The following MAF variants were observed in gnomAD, a reference collection of about 807,000 sequenced individuals.
MAF encodes MAF bZIP transcription factor, also known as transcription factor Maf.
In MAF, 10 loss-of-function variants were observed where a neutral mutation model predicts 22.0. The ratio of observed to expected loss-of-function variants is 0.45; its 90% CI spans 0.28 to 0.77. The LOEUF (loss-of-function observed/expected upper bound fraction) is 0.77. Ranked by LOEUF, MAF falls within the 30% of genes least tolerant of loss-of-function variation. MAF has a pLI of 0.12. For missense variants in MAF, 544 were observed against 548.4 expected, an observed-to-expected ratio of 0.99 and a Z score of 0.08; for synonymous variants, 337 against 255.8, an observed-to-expected ratio of 1.32 and a Z score of -3.03.
At chr16:79,546,557 G>A in the MAF span, among the ~76,000 whole-genome samples, 1 of 152,058 alleles carries the variant, frequency 6.6e-6, no homozygotes, top group Non-Finnish European at 1.5e-5. Flanking sequence ...ATTATTATGG[G>A]GTTAAGAAAA....
At chr16:79,341,486 G>A in the MAF span, among the ~76,000 whole-genome samples, 1 of 152,168 alleles carries the variant, frequency 6.6e-6, no homozygotes, top group South Asian at 2.1e-4. Context: ...CACCTCTTTG[G>A]TAGATTGATT....
chr16:79,274,800 A>G, the MAF span, among the ~76,000 whole-genome samples: 3 of 152,252 alleles, frequency 2.0e-5, no homozygotes, highest in East Asian at 1.9e-4. Context: ...TCATCATTCT[A>G]TGGTGAGGGG....
chr16:79,555,819 C>T, the MAF span, among the ~76,000 whole-genome samples: 1 of 152,168 alleles, frequency 6.6e-6, no homozygotes, highest in African/African-American at 2.4e-5. Flanking sequence ...GTATTTCTAC[C>T]AAACAGATAA....
the MAF span, among the ~76,000 whole-genome samples, chr16:79,296,017 C>T: frequency 8.4e-3 from 1,283 of 152,304 alleles, 21 homozygotes; most frequent in African/African-American, 0.029. Flanking sequence ...GTGGGGCTGT[C>T]CCCCTCTGGC....
chr16:79,472,696 G>T, the MAF span, among the ~76,000 whole-genome samples: 1 of 152,048 alleles, frequency 6.6e-6, no homozygotes, highest in Middle Eastern at 3.4e-3. Context: ...ATTAGAGTAG[G>T]GCGATGGTTG....
the MAF span, among the ~76,000 whole-genome samples, chr16:79,484,514 A>T: frequency 6.6e-6 from 1 of 152,164 alleles, no homozygotes; most frequent in Non-Finnish European, 1.5e-5. Context: ...TTCACTTTTC[A>T]TAGTCTTTGG....
the MAF span, among the ~76,000 whole-genome samples, chr16:79,468,276 C>T: frequency 1.3e-5 from 2 of 152,204 alleles, no homozygotes; most frequent in African/African-American, 2.4e-5. Context: ...CAAGAAGTGC[C>T]TTCCCCTGTG....
At chr16:79,229,853 C>G in the MAF span, among the ~76,000 whole-genome samples, 1 of 152,154 alleles carries the variant, frequency 6.6e-6, no homozygotes, top group East Asian at 1.9e-4. Flanking sequence ...GTAGAATGAC[C>G]TGATTTCTGC....
chr16:79,365,484 G>C, the MAF span, among the ~76,000 whole-genome samples: 11 of 152,184 alleles, frequency 7.2e-5, no homozygotes, highest in East Asian at 5.8e-4. Flanking sequence ...ACTGTTAAAG[G>C]AGTGACTGAT....
At chr16:79,334,610 T>G in the MAF span, among the ~76,000 whole-genome samples, 1 of 152,082 alleles carries the variant, frequency 6.6e-6, no homozygotes, top group Admixed American at 6.5e-5. Context: ...AAAAAATTCT[T>G]AGGACTTTCA....
the MAF span, among the ~76,000 whole-genome samples, chr16:79,284,568 T>G: frequency 6.6e-6 from 1 of 152,222 alleles, no homozygotes. Flanking sequence ...AATGCTTTTC[T>G]CACATTTTGA....
chr16:79,592,678 A>G (rs1597839424), downstream of MAF, among the ~76,000 whole-genome samples: 1 of 152,332 alleles, frequency 6.6e-6, no homozygotes, highest in Non-Finnish European at 1.5e-5. Flanking sequence ...TTTCCTCAGA[A>G]CAACAAGGAA....
chr16:79,516,755 G>A, the MAF span, among the ~76,000 whole-genome samples: 3 of 152,148 alleles, frequency 2.0e-5, no homozygotes, highest in African/African-American at 7.2e-5. Flanking sequence ...ACTATCTGGT[G>A]TTTCCCAGAC....
chr16:79,530,371 C>T, the MAF span, among the ~76,000 whole-genome samples: 1 of 152,202 alleles, frequency 6.6e-6, no homozygotes, highest in South Asian at 2.1e-4. Flanking sequence ...AAAGTGCCTA[C>T]TTCAAATTCA....
At chr16:79,274,906 G>C in the MAF span, among the ~76,000 whole-genome samples, 1 of 152,164 alleles carries the variant, frequency 6.6e-6, no homozygotes, top group Admixed American at 6.5e-5. Context: ...TCAAGTTCAG[G>C]GATGAGTAGC....
At chr16:79,577,791 T>G in the MAF span, among the ~76,000 whole-genome samples, 1 of 152,224 alleles carries the variant, frequency 6.6e-6, no homozygotes, top group African/African-American at 2.4e-5. Context: ...ATTTTGTGAT[T>G]AAATATTATG....
At chr16:79,392,496 GGAGAGA>G in the MAF span, among the ~76,000 whole-genome samples, 57,975 of 148,034 alleles carry the variant, frequency 0.39, 11,836 homozygotes, top group Non-Finnish European at 0.45. Context: ...AGAGATAGGA[GGAGAGA>G]GAGAGAGAGA....
At chr16:79,511,671 T>A in the MAF span, among the ~76,000 whole-genome samples, 1 of 152,208 alleles carries the variant, frequency 6.6e-6, no homozygotes, top group Non-Finnish European at 1.5e-5. Flanking sequence ...TGCCATTTAT[T>A]GAGTGCTCAC....
chr16:79,598,756 G>A (rs751242340), intron 1 of MAF, 29 bp downstream of exon 1: 1 of 1,613,660 alleles, frequency 6.2e-7, no homozygotes, highest in Admixed American at 1.7e-5. Flanking sequence ...TTATCAGGGT[G>A]GCTAGCTGGA....
Sources: gnomAD v4.1 joint callset for allele counts (sites outside exome capture counted in the v4.1 genomes callset) on GRCh38, gnomAD v4.1.1 for gene constraint, MANE v1.5 for transcripts, NCBI Gene and HGNC (gene_info 2026-07-23, HGNC 2026-07-21) for gene names.